Variants in SGCZ observed in about 807,000 individuals in gnomAD.
The protein encoded by SGCZ is sarcoglycan zeta.
In SGCZ, 40 loss-of-function variants were observed where a neutral mutation model predicts 41.3. The observed-to-expected ratio is 0.97, with a 90% CI of 0.75 to 1.26. SGCZ has a LOEUF of 1.26. SGCZ is among the 50% of genes most tolerant of loss of function. The pLI, the probability that SGCZ is intolerant of heterozygous loss-of-function variation, is 0.00. For missense variants in SGCZ, 552 were observed against 369.8 expected (o/e 1.49, Z -4.04); for synonymous variants, 206 against 137.5 (o/e 1.50, Z -3.49).
chr8:15,197,386 C>G (rs866459543), intron 1 of SGCZ, among the ~76,000 whole-genome samples: 2 of 152,142 alleles, frequency 1.3e-5, no homozygotes, highest in Non-Finnish European at 2.9e-5. Context: ...AACTAAGTTT[C>G]ATTTCAGAAT....
intron 6 of SGCZ, 151 bp from the exon 7 acceptor site, chr8:14,102,650 G>T (rs1378397419): frequency 1.4e-6 from 1 of 701,116 alleles, no homozygotes; most frequent in East Asian, 3.6e-5. Flanking sequence ...ACCATTTTAG[G>T]CAAAGCCAGA....
At chr8:14,098,942 G>T (rs758916221) in intron 7 of SGCZ, among the ~76,000 whole-genome samples, 1 of 152,062 alleles carries the variant, frequency 6.6e-6, no homozygotes, top group Admixed American at 6.5e-5. Context: ...CCATTTAGGG[G>T]CTGCTTTAGA....
chr8:14,379,726 A>T (rs960158599), intron 2 of SGCZ, among the ~76,000 whole-genome samples: 1 of 151,850 alleles, frequency 6.6e-6, no homozygotes, highest in South Asian at 2.1e-4. Context: ...TATTGAAATT[A>T]TATATATATA....
chr8:15,137,217 A>G (rs191196378), intron 1 of SGCZ, among the ~76,000 whole-genome samples: 64 of 152,338 alleles, frequency 4.2e-4, no homozygotes, highest in African/African-American at 1.4e-3. Context: ...CTAGATATCT[A>G]TAAACTTTGA....
chr8:14,231,614 T>A (rs1350526160), intron 4 of SGCZ, among the ~76,000 whole-genome samples: 8 of 152,036 alleles, frequency 5.3e-5, no homozygotes. Context: ...TTGTCTCCCA[T>A]CCACAATTAT....
chr8:14,155,610 A>C (rs981710504), intron 5 of SGCZ, among the ~76,000 whole-genome samples: 3 of 151,786 alleles, frequency 2.0e-5, no homozygotes, highest in African/African-American at 7.2e-5. Context: ...TTTAGTTGGC[A>C]TTCTATAGTA....
At chr8:14,996,637 C>T (rs59298322) in intron 1 of SGCZ, among the ~76,000 whole-genome samples, 7,344 of 152,186 alleles carry the variant, frequency 0.048, 547 homozygotes, top group African/African-American at 0.16. Context: ...CAGTTATAAC[C>T]AAGAGGCTGT....
intron 1 of SGCZ, among the ~76,000 whole-genome samples, chr8:15,103,260 G>T (rs920187751): frequency 1.3e-5 from 2 of 152,002 alleles, no homozygotes; most frequent in African/African-American, 4.8e-5. Flanking sequence ...AATTAGCAAG[G>T]CATGATGGCG....
At chr8:14,926,025 G>C (rs547281624) in intron 1 of SGCZ, among the ~76,000 whole-genome samples, 2 of 152,254 alleles carry the variant, frequency 1.3e-5, no homozygotes, top group South Asian at 2.1e-4. Context: ...GAGTCTTAAA[G>C]TTAACTATGT....
intron 1 of SGCZ, among the ~76,000 whole-genome samples, chr8:15,172,909 CTT>C (rs536060213): frequency 5.4e-4 from 82 of 152,226 alleles, no homozygotes; most frequent in African/African-American, 1.9e-3. Flanking sequence ...AAAATAAAAA[CTT>C]AATATGGAAA....
At chr8:14,968,134 A>C (rs967230301) in intron 1 of SGCZ, among the ~76,000 whole-genome samples, 9 of 152,096 alleles carry the variant, frequency 5.9e-5, no homozygotes, top group African/African-American at 1.7e-4. Context: ...TGATTGTTTG[A>C]CTCTAGTTTA....
intron 1 of SGCZ, among the ~76,000 whole-genome samples, chr8:14,979,116 A>G (rs987483026): frequency 6.6e-6 from 1 of 152,158 alleles, no homozygotes; most frequent in Non-Finnish European, 1.5e-5. Flanking sequence ...CTATTTTCTT[A>G]CAGAGGCAAG....
chr8:14,248,419 A>G (rs1799179848), intron 3 of SGCZ, among the ~76,000 whole-genome samples: 1 of 152,122 alleles, frequency 6.6e-6, no homozygotes, highest in African/African-American at 2.4e-5. Flanking sequence ...TTTGTATATG[A>G]TACACAGTTC....
At chr8:14,913,470 A>C (rs2130780200) in intron 1 of SGCZ, among the ~76,000 whole-genome samples, 1 of 152,182 alleles carries the variant, frequency 6.6e-6, no homozygotes, top group Admixed American at 6.5e-5. Context: ...AAATATAGCA[A>C]TAATTTGTTT....
At chr8:14,358,315 T>A (rs1165502195) in intron 2 of SGCZ, among the ~76,000 whole-genome samples, 1 of 152,180 alleles carries the variant, frequency 6.6e-6, no homozygotes, top group Non-Finnish European at 1.5e-5. Flanking sequence ...AAGGGTTTAG[T>A]GAGTTTTTTC....
chr8:14,590,715 C>T (rs1487682964), intron 1 of SGCZ, among the ~76,000 whole-genome samples: 1 of 147,906 alleles, frequency 6.8e-6, no homozygotes, highest in Non-Finnish European at 1.5e-5. Flanking sequence ...ACAGTATATA[C>T]TATATGTACT....
chr8:14,722,772 G>A (rs1259733361), intron 1 of SGCZ, among the ~76,000 whole-genome samples: 1 of 151,882 alleles, frequency 6.6e-6, no homozygotes, highest in East Asian at 1.9e-4. Flanking sequence ...GCAGAGGGAG[G>A]GGCAAGCAAA....
At chr8:14,094,397 T>C (rs1801780423) in intron 7 of SGCZ, among the ~76,000 whole-genome samples, 1 of 152,138 alleles carries the variant, frequency 6.6e-6, no homozygotes, top group Non-Finnish European at 1.5e-5. Flanking sequence ...TTTGGTTTTC[T>C]GTTCTTGTGT....
chr8:14,494,111 G>A (rs1304538292), intron 2 of SGCZ, among the ~76,000 whole-genome samples: 2 of 152,138 alleles, frequency 1.3e-5, no homozygotes, highest in Non-Finnish European at 1.5e-5. Context: ...AGAGTTTCTT[G>A]CTTCTTATCC....
Sources: allele counts gnomAD v4.1 joint callset (sites outside exome capture counted in the v4.1 genomes callset), GRCh38; gene constraint gnomAD v4.1.1; transcripts MANE v1.5; gene names NCBI Gene and HGNC (gene_info 2026-07-23, HGNC 2026-07-21).